RIMS4: variants seen among roughly 807,000 people sequenced by gnomAD.
RIMS4 encodes the protein regulating synaptic membrane exocytosis 4.
Under a neutral mutation model 29.0 loss-of-function variants are expected in RIMS4, and 9 were observed. The observed-to-expected ratio is 0.31, with a 90% confidence interval of 0.19 to 0.54. The LOEUF is 0.54. Ranked by LOEUF, RIMS4 falls within the 20% of genes least tolerant of loss-of-function variation. The pLI, the probability that RIMS4 is intolerant of heterozygous loss-of-function variation, is 0.94. For missense variants in RIMS4, 193 were observed against 365.7 expected, an observed-to-expected ratio of 0.53 and a Z score of 3.85; for synonymous variants, 130 against 152.9, an observed-to-expected ratio of 0.85 and a Z score of 1.10.
At chr20:44,806,310 T>C (rs1384420723) in intron 1 of RIMS4, among the ~76,000 whole-genome samples, 1 of 152,164 alleles carries the variant, frequency 6.6e-6, no homozygotes, top group Non-Finnish European at 1.5e-5. Context: ...TGTTGGAAAC[T>C]TGAGACACCC....
chr20:44,798,593 A>G (rs1051795127), intron 1 of RIMS4, among the ~76,000 whole-genome samples: 2 of 152,208 alleles, frequency 1.3e-5, no homozygotes, highest in Non-Finnish European at 2.9e-5. Context: ...CTCAGCTGCC[A>G]TGAGTATCTG....
intron 2 of RIMS4, among the ~76,000 whole-genome samples, chr20:44,759,272 CAG>C (rs1253187756): frequency 6.6e-6 from 1 of 151,776 alleles, no homozygotes; most frequent in East Asian, 1.9e-4. Context: ...TTTTTTGAGA[CAG>C]AGTTTCCCTC....
Position 44,756,791 on chromosome 20 carries a change from G to C in RIMS4, c.591+107C>G. 1 of 1,113,278 alleles carries C rather than the reference G, an allele frequency of 9.0e-7. No individual in the cohort carries two copies. The highest frequency in any genetic ancestry group is 1.3e-6 in the Non-Finnish European group (1 of 799,528). The allele number at this position is 1,113,278 out of a possible 1,614,324, so 69.0% of individuals were successfully genotyped here. A position where few individuals can be genotyped will look rare whatever the true frequency, so the allele number is the denominator to read the frequency against. On this transcript the variant is annotated intron_variant, in intron 5 of 5. Coordinates refer to ENST00000372851, the MANE Select transcript of RIMS4 (RefSeq NM_182970.4). The surrounding 1 kb of genome is among the most constrained non-coding windows in gnomAD (Gnocchi z 5.9). ...AGGGCCTCGCCTGTTTCCTCCAGGC[G>C]AGGCCCTCCAGAGACACCCCCCGCC... is the stretch of plus-strand genomic sequence containing the variant.
At chr20:44,794,551 A>G (rs933675856) in intron 1 of RIMS4, among the ~76,000 whole-genome samples, 1 of 152,260 alleles carries the variant, frequency 6.6e-6, no homozygotes, top group Non-Finnish European at 1.5e-5. Context: ...TAAAGCCGGC[A>G]TTTTAAATTT....
At position 44,794,111 on chromosome 20, in the gene RIMS4, C is replaced by T. The variant is rs544248879; in HGVS notation, c.97+16064G>A. ...AATGAGACAGTACCCAATTCTACCG[C>T]CAGCCAGGTCTGATATTCACCAAAT... On this transcript the variant is annotated intron_variant, in intron 1 of 5. Coordinates refer to ENST00000372851, the MANE Select transcript of RIMS4 (RefSeq NM_182970.4). Among the ~76,000 whole-genome samples, 11 of 152,306 alleles carry T rather than the reference C, an allele frequency of 7.2e-5. No individual in the cohort carries two copies. In the South Asian group the frequency reaches 2.3e-3, roughly 32 times the overall value.
intron 1 of RIMS4, among the ~76,000 whole-genome samples, chr20:44,792,162 C>A (rs2081797098): frequency 6.6e-6 from 1 of 152,164 alleles, no homozygotes; most frequent in African/African-American, 2.4e-5. Flanking sequence ...GTGCCCAGCA[C>A]ACTGGAGTGG....
chr20:44,784,226 C>G (rs1213187479), intron 1 of RIMS4, among the ~76,000 whole-genome samples: 1 of 152,168 alleles, frequency 6.6e-6, no homozygotes, highest in Non-Finnish European at 1.5e-5. Context: ...CAAAGGCCCA[C>G]GGATGAAAAC....
rs909896047 is a variant in RIMS4 at position 44,755,981 on chromosome 20, G to A, written c.*153C>T. On this transcript the variant is annotated 3_prime_UTR_variant, in exon 6 of 6. Transcript: ENST00000372851. ...GGGTAGGAGGCAAAGAAGGGGTGAG[G>A]AGGGGCCCAAGGGGGGGCAGGTCTC... 2 of 641,734 alleles carry A rather than the reference G, an allele frequency of 3.1e-6. No individual in the cohort carries two copies. Among genetic ancestry groups the A allele is most frequent in the African/African-American group, 1.8e-5 (1 of 54,930 alleles). The allele number at this position is 641,734 out of a possible 1,614,324, so 39.8% of individuals were successfully genotyped here.
Position 44,810,194 on chromosome 20 carries a change from G to A in RIMS4, c.78C>T (p.Ser26=), listed in dbSNP as rs754697123. ...ALAIYFPCMN[S]FDDEDAGDSR... ...GCTTACCTGCGTCCTCGTCGTCGAAGGAGTTCATGCACGGGAAGTAGATGG... is the reference window on the plus strand; with the variant it reads ...GCTTACCTGCGTCCTCGTCGTCGAAAGAGTTCATGCACGGGAAGTAGATGG... Residue 26 remains serine, a synonymous_variant, in exon 1 of 6, where the codon TCC becomes TCT. Coordinates refer to ENST00000372851, the MANE Select transcript of RIMS4 (RefSeq NM_182970.4). The A allele has an allele frequency of 1.3e-6, 2 of 1,591,124 alleles. No homozygotes were observed. Among genetic ancestry groups the A allele is most frequent in the Non-Finnish European group, 1.7e-6 (2 of 1,167,356 alleles).
At chr20:44,757,887 A>G (rs2066067614) in intron 3 of RIMS4, 116 bp from the exon 4 acceptor site, 1 of 1,062,202 alleles carries the variant, frequency 9.4e-7, no homozygotes, top group African/African-American at 1.6e-5. Context: ...AGCCCAGAAT[A>G]AGACCAGAAC....
intron 1 of RIMS4, among the ~76,000 whole-genome samples, chr20:44,774,215 CTGAGA>C (rs1361474197): frequency 6.6e-6 from 1 of 152,138 alleles, no homozygotes; most frequent in Non-Finnish European, 1.5e-5. Flanking sequence ...TCCCACGTGG[CTGAGA>C]TGTGTTCCCT....
At position 44,769,836 on chromosome 20, in the gene RIMS4, C is replaced by G. The variant is rs2066129059; in HGVS notation, c.236+1439G>C. On this transcript the variant is annotated intron_variant, in intron 2 of 5. Coordinates refer to ENST00000372851, the MANE Select transcript of RIMS4 (RefSeq NM_182970.4). ...GGGGCAGGGCCAGAATGAAGGGAAGCAAAAGTGGAGGCCAAGCCCCAGCCC... is the reference window on the plus strand; with the variant it reads ...GGGGCAGGGCCAGAATGAAGGGAAGGAAAAGTGGAGGCCAAGCCCCAGCCC... 2.6e-5 allele frequency among the ~76,000 whole-genome samples: 4 copies of G among 152,200 alleles called. No homozygotes were observed. In the South Asian group the frequency reaches 8.3e-4, roughly 32 times the overall value.
chr20:44,758,504 A>C (rs1354414930), intron 2 of RIMS4, among the ~76,000 whole-genome samples: 1 of 152,228 alleles, frequency 6.6e-6, no homozygotes, highest in Non-Finnish European at 1.5e-5. Context: ...TGTGAGCTGC[A>C]CTGCAAACGG....
intron 1 of RIMS4, among the ~76,000 whole-genome samples, chr20:44,799,781 A>G (rs1387008590): frequency 6.6e-6 from 1 of 152,102 alleles, no homozygotes; most frequent in Non-Finnish European, 1.5e-5. Flanking sequence ...CAGAAACATC[A>G]TTGCCACAGA....
chr20:44,803,524 C>T (rs2066285482), intron 1 of RIMS4, among the ~76,000 whole-genome samples: 1 of 152,212 alleles, frequency 6.6e-6, no homozygotes, highest in Non-Finnish European at 1.5e-5. Context: ...CCTGCCCAGC[C>T]ACACAGTCAT....
intron 1 of RIMS4, among the ~76,000 whole-genome samples, chr20:44,796,640 C>A (rs2066256417): frequency 6.6e-6 from 1 of 152,168 alleles, no homozygotes; most frequent in African/African-American, 2.4e-5. Flanking sequence ...ATGGTCACCT[C>A]CACCCTAGAG....
intron 1 of RIMS4, among the ~76,000 whole-genome samples, chr20:44,794,999 G>A (rs542796633): frequency 5.3e-5 from 8 of 152,276 alleles, no homozygotes; most frequent in African/African-American, 1.9e-4. Context: ...TCAAGCCCAA[G>A]AGCCTCACCT....
chr20:44,801,228 A>C (rs1330173065), intron 1 of RIMS4, among the ~76,000 whole-genome samples: 1 of 152,116 alleles, frequency 6.6e-6, no homozygotes, highest in African/African-American at 2.4e-5. Context: ...ATTTCCCATC[A>C]GTTTAGGACA....
chr20:44,757,155 T>C, intron 4 of RIMS4, 118 bp from the exon 5 acceptor site: 1 of 1,156,398 alleles, frequency 8.6e-7, no homozygotes, highest in Non-Finnish European at 1.2e-6. Flanking sequence ...CCATGGGGTC[T>C]GGGGAGGACG....
Sources: gnomAD v4.1 joint callset for allele counts (sites outside exome capture counted in the v4.1 genomes callset) on GRCh38, gnomAD v4.1.1 for gene constraint, Gnocchi (gnomAD v3.1) non-coding constraint, MANE v1.5 for transcripts, NCBI Gene and HGNC (gene_info 2026-07-23, HGNC 2026-07-21) for gene names.